Variants in DNAJC22 observed in about 807,000 individuals in gnomAD.
DNAJC22 encodes dnaJ homolog subfamily C member 22.
Under a neutral mutation model 22.2 loss-of-function variants are expected in DNAJC22, and 24 were observed. The observed-to-expected ratio is 1.08, with a 90% confidence interval of 0.78 to 1.52. DNAJC22 has a LOEUF of 1.52. DNAJC22 is among the 40% of genes most tolerant of loss of function. The pLI is 0.00. For synonymous variants in DNAJC22, 160 were observed against 167.4 expected (o/e 0.96, Z 0.34); for missense variants, 434 against 421.7 (o/e 1.03, Z -0.26).
chr12:49,347,308 G>C lies in DNAJC22; in HGVS notation c.-813G>C, dbSNP rs1943712038. 1 of 152,284 alleles carries C rather than the reference G, an allele frequency of 6.6e-6. No individual in the cohort carries two copies. Among genetic ancestry groups the C allele is most frequent in the Non-Finnish European group, 1.5e-5 (1 of 68,082 alleles). 9.4% of individuals were successfully genotyped at this position (152,284 alleles called of 1,614,324 possible). A position where few individuals can be genotyped will look rare whatever the true frequency, so the allele number is the denominator to read the frequency against. On this transcript the variant is annotated 5_prime_UTR_variant, in exon 1 of 4. Transcript: ENST00000549441. ...CCTCTGGTTCATAGCCCGCGGGACA[G>C]AGCAGCCCTGGATTGGGAGGCTCCT...
In DNAJC22 at chr12:49,348,767, G is replaced by A. The variant is rs1435561680; in HGVS notation, c.-106G>A. 2 of 1,394,590 alleles carry A rather than the reference G, an allele frequency of 1.4e-6. No homozygotes were observed. Among genetic ancestry groups the A allele is most frequent in the East Asian group, 5.0e-5 (2 of 39,736 alleles). 86.4% of individuals were successfully genotyped at this position (1,394,590 alleles called of 1,614,324 possible). ...ACTCTACTTTTTCCCATCTCTTAGG[G>A]TCTAAGGATAACTCTGGGGCCATGA... On this transcript the variant is annotated splice_region_variant and 5_prime_UTR_variant, in exon 3 of 4. Coordinates refer to ENST00000549441, the MANE Select transcript of DNAJC22 (RefSeq NM_001304944.2).
At position 49,347,108 on chromosome 12, in the gene DNAJC22, A is replaced by C. The variant is rs1943710211; in HGVS notation, c.-1013A>C. ...GCCCAAGAAGCTGCATGACTTAGCC[A>C]AGTTCACGGAGTAGAACCCGGGATT... On this transcript the variant is annotated 5_prime_UTR_variant, in exon 1 of 4. Coordinates refer to ENST00000549441, the MANE Select transcript of DNAJC22 (RefSeq NM_001304944.2). 1 of 152,282 alleles carries C rather than the reference A, an allele frequency of 6.6e-6. No individual in the cohort carries two copies. Among genetic ancestry groups the C allele is most frequent in the South Asian group, 2.1e-4 (1 of 4,838 alleles). The allele number at this position is 152,282 out of a possible 1,614,324, so 9.4% of individuals were successfully genotyped here.
Position 49,349,279 on chromosome 12 carries a change from G to C in DNAJC22, c.407G>C (p.Gly136Ala). Residue 136 changes from glycine (G) to alanine (A), a missense_variant, in exon 3 of 4, where the codon GGG (glycine) becomes GCG (alanine). Physicochemically the swap from Gly to Ala is moderately conservative, Grantham distance 60 (BLOSUM62 0). Coordinates refer to ENST00000549441, the MANE Select transcript of DNAJC22 (RefSeq NM_001304944.2). ...NQTSDFKNTL[G>A]SAFLTSPIFY... ...ACCTCAGACTTTAAGAACACTCTGG[G>C]GTCAGCATTTCTCACTTCACCTATC... 6.2e-7 allele frequency: 1 copy of C among 1,614,134 alleles called. No individual in the cohort carries two copies. The highest frequency in any genetic ancestry group is 2.2e-5 in the East Asian group (1 of 44,884).
intron 3 of DNAJC22, among the ~76,000 whole-genome samples, chr12:49,350,357 G>A (rs780371242): frequency 2.6e-5 from 4 of 151,438 alleles, no homozygotes; most frequent in African/African-American, 4.9e-5. Context: ...GATTACAGGC[G>A]TGAGCCACCG....
rs1943801798 is a variant in DNAJC22 at position 49,353,146 on chromosome 12, AGGGG to A, written c.*1646_*1649del. 3 of 152,180 alleles carry A rather than the reference AGGGG, an allele frequency of 2.0e-5. No individual in the cohort carries two copies. The highest frequency in any genetic ancestry group is 7.2e-5 in the African/African-American group (3 of 41,450). The allele number at this position is 152,180 out of a possible 1,614,324, so 9.4% of individuals were successfully genotyped here. A position where few individuals can be genotyped will look rare whatever the true frequency, so the allele number is the denominator to read the frequency against. On this transcript the variant is annotated 3_prime_UTR_variant, in exon 4 of 4. Transcript: ENST00000549441. ...GGGAACCAGCGGCTAGAGCATCTCAAGGGGGCCTTATTCAATTCTAGGTAACTAG... is the reference window on the plus strand; with the variant it reads ...GGGAACCAGCGGCTAGAGCATCTCAAGCCTTATTCAATTCTAGGTAACTAG...
At chr12:49,350,494 C>CTTTTT (rs57468642) in intron 3 of DNAJC22, among the ~76,000 whole-genome samples, 33 of 108,484 alleles carry the variant, frequency 3.0e-4, no homozygotes, top group Non-Finnish European at 4.1e-4. Context: ...CCTCTTGATT[C>CTTTTT]TTTTTTTTTT....
In DNAJC22 at chr12:49,349,486, C is replaced by T. The variant is rs781054503; in HGVS notation, c.614C>T (p.Ala205Val). 6.2e-7 allele frequency: 1 copy of T among 1,614,262 alleles called. No homozygotes were observed. The highest frequency in any genetic ancestry group is 8.5e-7 in the Non-Finnish European group (1 of 1,180,048). ...PLAYSALCNT[A>V]ATLSYVAETF... Reference sequence around the variant, plus strand: ...GCATACAGTGCCCTCTGCAACACAGCTGCCACCCTCAGCTATGTGGCAGAA... The same window carrying T: ...GCATACAGTGCCCTCTGCAACACAGTTGCCACCCTCAGCTATGTGGCAGAA... The change falls in exon 3 of 4, where the codon GCT (alanine) becomes GTT (valine). Residue 205 changes from alanine (A) to valine (V), a missense_variant. Physicochemically the swap from Ala to Val is moderately conservative, Grantham distance 64. Coordinates refer to ENST00000549441, the MANE Select transcript of DNAJC22 (RefSeq NM_001304944.2).
intron 3 of DNAJC22, among the ~76,000 whole-genome samples, chr12:49,350,372 C>T (rs1815612008): frequency 6.6e-6 from 1 of 152,024 alleles, no homozygotes; most frequent in Admixed American, 6.5e-5. Context: ...CCACCGTGCC[C>T]AGCCAGGTTT....
Position 49,349,559 on chromosome 12 carries a change from C to A in DNAJC22, c.687C>A (p.Gly229=). 1.2e-6 allele frequency: 2 copies of A among 1,614,262 alleles called. No homozygotes were observed. Among genetic ancestry groups the A allele is most frequent in the Non-Finnish European group, 1.7e-6 (2 of 1,180,050 alleles). The part of the protein sequence containing the change: ...LNWFSFFPLL[G]RLMEFVLLLP... ...GGTTCAGCTTCTTCCCCCTTCTTGG[C>A]CGCCTCATGGAGTTTGTCCTCCTTC... The change falls in exon 3 of 4, where the codon GGC becomes GGA. Residue 229 remains glycine (G), a synonymous_variant. Coordinates refer to ENST00000549441, the MANE Select transcript of DNAJC22 (RefSeq NM_001304944.2).
chr12:49,351,019 G>T, intron 3 of DNAJC22: 1 of 280,422 alleles, frequency 3.6e-6, no homozygotes, highest in Non-Finnish European at 5.4e-6. Context: ...AAGAGATCTT[G>T]CCAGGGATAT....
rs1389712496 is a variant in DNAJC22, at chr12:49,349,153, T to C, written c.281T>C (p.Val94Ala). The C allele has an allele frequency of 2.5e-6, 4 of 1,614,084 alleles. No individual in the cohort carries two copies. The Admixed American group carries it at 6.7e-5, about 27-fold the overall frequency. The change falls in exon 3 of 4, where the codon GTG (valine) becomes GCG (alanine). Residue 94 changes from valine to alanine, a missense_variant. By Grantham distance (64) the Val-to-Ala change is moderately conservative. Coordinates refer to ENST00000549441, the MANE Select transcript of DNAJC22 (RefSeq NM_001304944.2). ...ATAGTTGGCATCTATTTTGGCCTTG[T>C]GGCACTGATTAGCCTTTCTTCCATG... ...QVIVGIYFGL[V>A]ALISLSSMVN... is the part of the protein sequence containing the mutation.
Sources: allele counts gnomAD v4.1 joint callset (sites outside exome capture counted in the v4.1 genomes callset), GRCh38; gene constraint gnomAD v4.1.1; transcripts MANE v1.5; gene names NCBI Gene and HGNC (gene_info 2026-07-23, HGNC 2026-07-21).